The following POR variants were observed in gnomAD, a reference collection of about 807,000 sequenced individuals.
POR encodes cytochrome p450 oxidoreductase.
Under a neutral mutation model 84.0 loss-of-function variants are expected in POR, and 56 were observed. The observed-to-expected ratio is 0.67, with a 90% confidence interval of 0.54 to 0.83. The LOEUF (loss-of-function observed/expected upper bound fraction) is 0.83. Ranked by LOEUF, POR falls within the 40% of genes least tolerant of loss-of-function variation. POR has a pLI of 0.00. For synonymous variants in POR, 414 were observed against 400.5 expected, an observed-to-expected ratio of 1.03 and a Z score of -0.40; for missense variants, 938 against 944.3, an observed-to-expected ratio of 0.99 and a Z score of 0.09.
chr7:75,940,566 C>T (rs1049785176), intron 1 of POR, among the ~76,000 whole-genome samples: 24 of 150,782 alleles, frequency 1.6e-4, no homozygotes, highest in African/African-American at 5.4e-4. Flanking sequence ...AGGTGGATCA[C>T]GAAGTCAGGA....
At chr7:75,980,603 CCAGGG>C in intron 5 of POR, 115 bp downstream of exon 5, 1 of 1,600,698 alleles carries the variant, frequency 6.2e-7, no homozygotes, top group Non-Finnish European at 8.5e-7. Context: ...TCCTCAGCAG[CCAGGG>C]CAGGCCACTT....
intron 1 of POR, among the ~76,000 whole-genome samples, chr7:75,934,112 A>G (rs539285037): frequency 1.5e-5 from 2 of 132,748 alleles, no homozygotes; most frequent in South Asian, 5.1e-4. Context: ...TTCCTGGTCC[A>G]AGACCTCAGA....
At chr7:75,953,316 G>A (rs1450071974) in intron 1 of POR, among the ~76,000 whole-genome samples, 1 of 135,132 alleles carries the variant, frequency 7.4e-6, no homozygotes, top group Admixed American at 7.2e-5. Flanking sequence ...GTGGAAAGAG[G>A]GAGGGGGAGG....
At chr7:75,955,566 C>T (rs1787650233) in intron 2 of POR, among the ~76,000 whole-genome samples, 1 of 152,240 alleles carries the variant, frequency 6.6e-6, no homozygotes, top group African/African-American at 2.4e-5. Flanking sequence ...GCCGAGGGAA[C>T]TCCAGGGGCA....
At chr7:75,928,163 G>A (rs1387020206) in intron 1 of POR, among the ~76,000 whole-genome samples, 3 of 151,908 alleles carry the variant, frequency 2.0e-5, no homozygotes, top group Non-Finnish European at 4.4e-5. Context: ...TAGAGATAGG[G>A]TTTCACTATG....
intron 1 of POR, among the ~76,000 whole-genome samples, chr7:75,953,627 C>T (rs955987656): frequency 1.6e-4 from 25 of 152,188 alleles, no homozygotes; most frequent in Non-Finnish European, 3.7e-4. Flanking sequence ...GCACTTCCTC[C>T]CGCCTGCCCC....
chr7:75,925,041 T>G lies in POR; in HGVS notation c.-5+9862T>G, dbSNP rs576060486. 5.9e-5 allele frequency among the ~76,000 whole-genome samples: 9 copies of G among 152,278 alleles called. No individual in the cohort carries two copies. In the South Asian group the frequency reaches 1.9e-3, roughly 32 times the overall value. On this transcript the variant is annotated intron_variant, in intron 1 of 15. Transcript: ENST00000461988. The stretch of plus-strand genomic sequence containing the variant: ...AAAAACCAGAGGGGGAACTGAAAGC[T>G]GAGAGCCTAGTAATTGAGAAAAGGA...
chr7:75,970,396 G>C (rs576796168), intron 2 of POR, among the ~76,000 whole-genome samples: 1 of 151,756 alleles, frequency 6.6e-6, no homozygotes, highest in African/African-American at 2.4e-5. Context: ...TCATGTGATC[G>C]CACAGTGGTG....
At chr7:75,947,209 C>T (rs1787211011) in intron 1 of POR, 1 of 152,108 alleles carries the variant, frequency 6.6e-6, no homozygotes, top group African/African-American at 2.4e-5. Context: ...ACCAGGGACT[C>T]CACAAACGAA....
At chr7:75,981,452 G>A in intron 6 of POR, 65 bp from the exon 7 acceptor site, 1 of 1,474,718 alleles carries the variant, frequency 6.8e-7, no homozygotes, top group Non-Finnish European at 9.3e-7. Context: ...GGCGTGCCTG[G>A]CACCAGGTAC....
At chr7:75,978,470 A>G (rs1440382772) in intron 3 of POR, among the ~76,000 whole-genome samples, 4 of 152,158 alleles carry the variant, frequency 2.6e-5, no homozygotes, top group African/African-American at 9.6e-5. Context: ...TGTGTAGGCT[A>G]CACACAAATA....
intron 12 of POR, 21 bp from the exon 13 acceptor site, chr7:75,985,558 C>G (rs72557945): frequency 6.6e-7 from 1 of 1,508,660 alleles, no homozygotes; most frequent in Non-Finnish European, 8.9e-7. Flanking sequence ...GGCGGTGGAG[C>G]TCACACGGCC....
intron 3 of POR, 38 bp downstream of exon 3, chr7:75,972,499 C>T: frequency 3.2e-6 from 5 of 1,556,368 alleles, no homozygotes; most frequent in Non-Finnish European, 4.4e-6. Context: ...CTCAGGAAGC[C>T]TCGGCCCCGA....
At chr7:75,946,721 C>A (rs1202711138) in intron 1 of POR, 1 of 152,248 alleles carries the variant, frequency 6.6e-6, no homozygotes, top group African/African-American at 2.4e-5. Context: ...TGGATTGATA[C>A]TGTGTTTGGC....
chr7:75,986,052 G>C lies in POR; in HGVS notation c.1799G>C (p.Arg600Pro). 6.4e-7 allele frequency: 1 copy of C among 1,560,490 alleles called. No individual in the cohort carries two copies. Among genetic ancestry groups the C allele is most frequent in the Non-Finnish European group, 8.7e-7 (1 of 1,153,320 alleles). ...ACCCAGCTCAACGTGGCCTTCTCCC[G>C]GGAGCAGTCCCACAAGGTGAGACGG... is the stretch of plus-strand genomic sequence containing the variant. Residue 600 changes from arginine to proline, a missense_variant, in exon 14 of 16, where the codon CGG (arginine) becomes CCG (proline). Arg to Pro is a moderately radical substitution (Grantham distance 103). Coordinates refer to ENST00000461988, the MANE Select transcript of POR (RefSeq NM_000941.3).
At position 75,986,254 on chromosome 7, in the gene POR, G is replaced by T. The variant is rs72557956; in HGVS notation, c.1898+13G>T. 2.0e-3 allele frequency: 3,174 copies of T among 1,612,654 alleles called. 3 individuals are homozygous for T. The highest frequency in any genetic ancestry group is 2.3e-3 in the Non-Finnish European group (2,669 of 1,179,806). On this transcript the variant is annotated intron_variant, in intron 15 of 15. Coordinates refer to ENST00000461988, the MANE Select transcript of POR (RefSeq NM_000941.3). ...TCTACGTCTGTGGGTGAGTGAGTGGGGTCACTGGAATAGGGGGCAGGGAGG... is the reference window on the plus strand; with the variant it reads ...TCTACGTCTGTGGGTGAGTGAGTGGTGTCACTGGAATAGGGGGCAGGGAGG...
chr7:75,972,483 A>T (rs782662758), intron 3 of POR, 22 bp downstream of exon 3: 2 of 1,589,142 alleles, frequency 1.3e-6, no homozygotes, highest in Non-Finnish European at 1.7e-6. Context: ...GCATGTCTTT[A>T]CTCTTCTCAG....
intron 1 of POR, among the ~76,000 whole-genome samples, chr7:75,928,615 C>T (rs1300824833): frequency 2.0e-5 from 3 of 152,214 alleles, no homozygotes; most frequent in African/African-American, 4.8e-5. Flanking sequence ...CACTGAGTCA[C>T]CTTATGGAGG....
At chr7:75,972,813 G>A (rs1245970400) in intron 3 of POR, 23 of 327,836 alleles carry the variant, frequency 7.0e-5, no homozygotes, top group African/African-American at 3.8e-4. Flanking sequence ...TTTTCTCTCC[G>A]CTTTGTTTTT....
Sources: allele counts gnomAD v4.1 joint callset (sites outside exome capture counted in the v4.1 genomes callset), GRCh38; gene constraint gnomAD v4.1.1; transcripts MANE v1.5; gene names NCBI Gene and HGNC (gene_info 2026-07-23, HGNC 2026-07-21).